Variants in DLC1 observed in about 807,000 individuals in gnomAD.
The protein encoded by DLC1 is rho GTPase-activating protein 7.
DLC1 carries 54 observed loss-of-function variants against 140.3 expected under a neutral mutation model. The ratio of observed to expected loss-of-function variants is 0.38; its 90% CI spans 0.31 to 0.48. DLC1 has a LOEUF of 0.48. Ranked by LOEUF, DLC1 falls within the 20% of genes least tolerant of loss-of-function variation. The probability of loss-of-function intolerance (pLI) is 0.96; values close to 1 mark genes in which losing one functional copy is unlikely to be tolerated. For synonymous variants in DLC1, 986 were observed against 728.1 expected (o/e 1.35, Z -5.70); for missense variants, 2,536 against 1,907.0 (o/e 1.33, Z -6.14).
chr8:13,375,230 T>G (rs942898422), intron 4 of DLC1, among the ~76,000 whole-genome samples: 2 of 152,086 alleles, frequency 1.3e-5, no homozygotes, highest in Non-Finnish European at 2.9e-5. Flanking sequence ...GGTTTCACTG[T>G]GTTAGCCAGG....
intron 2 of DLC1, among the ~76,000 whole-genome samples, chr8:13,448,150 G>A (rs1204648923): frequency 6.6e-6 from 1 of 152,090 alleles, no homozygotes; most frequent in Non-Finnish European, 1.5e-5. Flanking sequence ...GATTATGGCT[G>A]GGAAAGCGTC....
chr8:13,227,108 G>T (rs761067096), intron 5 of DLC1, among the ~76,000 whole-genome samples: 1 of 152,058 alleles, frequency 6.6e-6, no homozygotes, highest in South Asian at 2.1e-4. Context: ...GGCTGGTCTC[G>T]AGCATCTGAG....
At chr8:13,252,366 A>G (rs543960687) in intron 5 of DLC1, among the ~76,000 whole-genome samples, 4 of 152,316 alleles carry the variant, frequency 2.6e-5, no homozygotes, top group African/African-American at 9.6e-5. Context: ...TAGGCTTCAG[A>G]AAGACCTCCA....
At chr8:13,286,859 A>T (rs1831552047) in intron 5 of DLC1, among the ~76,000 whole-genome samples, 1 of 152,166 alleles carries the variant, frequency 6.6e-6, no homozygotes, top group South Asian at 2.1e-4. Flanking sequence ...ATAGAATTGT[A>T]GGAGATGGAA....
At chr8:13,347,524 T>TATA (rs1834405781) in intron 4 of DLC1, among the ~76,000 whole-genome samples, 1 of 152,162 alleles carries the variant, frequency 6.6e-6, no homozygotes, top group Non-Finnish European at 1.5e-5. Flanking sequence ...TACAGCCCAT[T>TATA]CCATATAATG....
chr8:13,397,672 TAA>T (rs57069875), intron 3 of DLC1, among the ~76,000 whole-genome samples: 1 of 145,140 alleles, frequency 6.9e-6, no homozygotes. Context: ...CTACAAAAAT[TAA>T]AAAAAAAAAA....
intron 1 of DLC1, among the ~76,000 whole-genome samples, chr8:13,503,058 CACTT>C (rs1267096661): frequency 4.6e-5 from 7 of 152,184 alleles, no homozygotes; most frequent in Admixed American, 2.0e-4. Context: ...AATTTTGTAA[CACTT>C]ACCATGCCTT....
At chr8:13,485,915 T>C (rs953524130) in intron 2 of DLC1, among the ~76,000 whole-genome samples, 4 of 152,228 alleles carry the variant, frequency 2.6e-5, no homozygotes, top group East Asian at 1.9e-4. Flanking sequence ...ATCAATGACA[T>C]GTTTAAAAGA....
intron 2 of DLC1, among the ~76,000 whole-genome samples, chr8:13,448,129 G>C (rs888780550): frequency 6.6e-6 from 1 of 152,224 alleles, no homozygotes; most frequent in Non-Finnish European, 1.5e-5. Flanking sequence ...GTCAAGTTGG[G>C]CAACATCGGT....
chr8:13,356,833 C>CT (rs33955466), intron 4 of DLC1, among the ~76,000 whole-genome samples: 9,427 of 151,428 alleles, frequency 0.062, 367 homozygotes, highest in Non-Finnish European at 0.086. Context: ...ACACTTCACT[C>CT]TTTTTTTTAT....
intron 2 of DLC1, among the ~76,000 whole-genome samples, chr8:13,467,551 C>G (rs1395480116): frequency 1.3e-5 from 2 of 151,884 alleles, no homozygotes; most frequent in East Asian, 3.9e-4. Flanking sequence ...TGCTTGAGTC[C>G]ATCATAGAGA....
At position 13,219,756 on chromosome 8, in the gene DLC1, C is replaced by T. The variant is rs564659115; in HGVS notation, c.1348+85513G>A. On this transcript the variant is annotated intron_variant, in intron 5 of 17. Coordinates refer to ENST00000276297, the MANE Select transcript of DLC1 (RefSeq NM_182643.3). ...TTCATTGCAGCACTATTTATAGCAA[C>T]CAAAAGTGGAAGCATTCTGAATCGT... Among the ~76,000 whole-genome samples, 4 of 151,954 alleles carry T rather than the reference C, an allele frequency of 2.6e-5. 1 individual carries two copies. The highest frequency in any genetic ancestry group is 9.6e-5 in the African/African-American group (4 of 41,452).
At chr8:13,139,927 C>G (rs567355417) in intron 5 of DLC1, among the ~76,000 whole-genome samples, 1 of 152,306 alleles carries the variant, frequency 6.6e-6, no homozygotes, top group African/African-American at 2.4e-5. Flanking sequence ...ACCATTTTAA[C>G]CATTTTTAAA....
At chr8:13,498,703 T>A (rs1042166465) in intron 2 of DLC1, among the ~76,000 whole-genome samples, 5 of 152,210 alleles carry the variant, frequency 3.3e-5, no homozygotes, top group African/African-American at 1.2e-4. Flanking sequence ...TTTATAAGAA[T>A]TAGAAATCAC....
intron 5 of DLC1, among the ~76,000 whole-genome samples, chr8:13,183,628 G>A (rs1487535282): frequency 6.6e-6 from 1 of 152,074 alleles, no homozygotes; most frequent in Non-Finnish European, 1.5e-5. Context: ...TTATTGATTT[G>A]CGTATGTTGA....
At chr8:13,380,713 C>T (rs983796443) in intron 4 of DLC1, among the ~76,000 whole-genome samples, 16 of 152,134 alleles carry the variant, frequency 1.1e-4, no homozygotes, top group African/African-American at 3.4e-4. Context: ...TCCCTGTGAT[C>T]GGATGTTAAA....
At chr8:13,354,722 A>G (rs1834839721) in intron 4 of DLC1, among the ~76,000 whole-genome samples, 1 of 150,326 alleles carries the variant, frequency 6.7e-6, no homozygotes, top group South Asian at 2.1e-4. Context: ...AAGTGGGTGG[A>G]TTGCTTGAGC....
At chr8:13,248,931 C>A (rs1302159144) in intron 5 of DLC1, among the ~76,000 whole-genome samples, 1 of 152,116 alleles carries the variant, frequency 6.6e-6, no homozygotes, top group Non-Finnish European at 1.5e-5. Context: ...GAAATCATTA[C>A]CAATTGGAAC....
chr8:13,588,184 G>A (rs1385305406), intron 1 of DLC1, among the ~76,000 whole-genome samples: 1 of 151,946 alleles, frequency 6.6e-6, no homozygotes, highest in Non-Finnish European at 1.5e-5. Context: ...TAATGGCAGA[G>A]AAAACAGATG....
Sources: allele counts gnomAD v4.1 joint callset (sites outside exome capture counted in the v4.1 genomes callset), GRCh38; gene constraint gnomAD v4.1.1; transcripts MANE v1.5; gene names NCBI Gene and HGNC (gene_info 2026-07-23, HGNC 2026-07-21).